Variants in ATM observed in about 807,000 individuals in gnomAD.
ATM encodes the protein ATM serine/threonine kinase.
In ATM, 308 loss-of-function variants were observed where a neutral mutation model predicts 387.0. The observed-to-expected ratio is 0.80, with a 90% confidence interval of 0.73 to 0.87. The LOEUF (loss-of-function observed/expected upper bound fraction) is 0.87. Ranked by LOEUF, ATM falls within the 40% of genes least tolerant of loss-of-function variation. ATM has a pLI of 0.00. For synonymous variants in ATM, 1,156 were observed against 1,187.3 expected, an observed-to-expected ratio of 0.97 and a Z score of 0.54; for missense variants, 3,312 against 3,560.9, an observed-to-expected ratio of 0.93 and a Z score of 1.78.
At chr11:108,267,993 C>T (rs1233790522) in intron 17 of ATM, among the ~76,000 whole-genome samples, 1 of 152,230 alleles carries the variant, frequency 6.6e-6, no homozygotes, top group Admixed American at 6.5e-5. Context: ...TAGTCAACAT[C>T]AACATTCACA....
chr11:108,312,905 C>T (rs988849611), intron 40 of ATM, among the ~76,000 whole-genome samples: 1 of 152,178 alleles, frequency 6.6e-6, no homozygotes, highest in Non-Finnish European at 1.5e-5. Flanking sequence ...TAAATTGGCT[C>T]ATGTTACTGT....
At chr11:108,326,263 T>C (rs2136343318) in intron 47 of ATM, 38 bp downstream of exon 47, 1 of 1,610,530 alleles carries the variant, frequency 6.2e-7, no homozygotes, top group African/African-American at 1.3e-5. Context: ...TGTTTTACTG[T>C]TATTTAAAAA....
intron 15 of ATM, 144 bp downstream of exon 15, chr11:108,257,750 A>G: frequency 1.2e-6 from 1 of 838,652 alleles, no homozygotes. Flanking sequence ...CTCCCAAGTA[A>G]TTGGGACTAC....
At chr11:108,245,078 A>C in intron 7 of ATM, 52 bp downstream of exon 7, 1 of 1,397,160 alleles carries the variant, frequency 7.2e-7, no homozygotes, top group Non-Finnish European at 1.0e-6. Context: ...TCAAACATAG[A>C]AGTCTAAGTA....
At chr11:108,335,172 T>G (rs751082404) in intron 55 of ATM, 63 bp downstream of exon 55, 117 of 1,610,170 alleles carry the variant, frequency 7.3e-5, no homozygotes, top group Middle Eastern at 3.3e-4. Context: ...TTAGTTCATA[T>G]TTTCTTTCTG....
chr11:108,250,342 T>A (rs4987941), intron 9 of ATM, among the ~76,000 whole-genome samples: 15 of 152,012 alleles, frequency 9.9e-5, no homozygotes, highest in African/African-American at 3.6e-4. Flanking sequence ...TAGTAGAGAC[T>A]GGGTTTCACC....
intron 45 of ATM, among the ~76,000 whole-genome samples, chr11:108,322,654 A>G (rs2085322028): frequency 6.6e-6 from 1 of 152,184 alleles, no homozygotes; most frequent in African/African-American, 2.4e-5. Flanking sequence ...TTTTATCAAG[A>G]TATAAGTTGA....
In ATM at chr11:108,335,060, TAA is replaced by T. The variant is rs1064793406; in HGVS notation, c.8103_8104del (p.Ile2702ArgfsTer15). 6.2e-7 allele frequency: 1 copy of T among 1,614,100 alleles called. No individual in the cohort carries two copies. The highest frequency in any genetic ancestry group is 8.5e-7 in the Non-Finnish European group (1 of 1,179,990). ...GCAGGAGGTGTAAATTTACCAAAAA[TAA>T]TAGATTGTGTAGGTTCCGATGGCAA... On this transcript the variant is annotated frameshift_variant, in exon 55 of 63. Coordinates refer to ENST00000675843, the MANE Select transcript of ATM (RefSeq NM_000051.4). LOFTEE classifies it high-confidence loss of function.
chr11:108,331,053 T>A, intron 50 of ATM: 1 of 504,150 alleles, frequency 2.0e-6, no homozygotes, highest in Non-Finnish European at 2.7e-6. Context: ...TCTGCTGTAG[T>A]ATACACTAAA....
At chr11:108,239,355 A>G (rs769132066) in intron 5 of ATM, among the ~76,000 whole-genome samples, 1 of 152,158 alleles carries the variant, frequency 6.6e-6, no homozygotes, top group Non-Finnish European at 1.5e-5. Flanking sequence ...CTAACCTATA[A>G]TACTTTGTTA....
chr11:108,312,385 A>G (rs2136057206), intron 39 of ATM, 26 bp from the exon 40 acceptor site: 1 of 1,506,162 alleles, frequency 6.6e-7, no homozygotes, highest in East Asian at 2.3e-5. Context: ...TGTTCTCATT[A>G]AAAGAGGTGT....
intron 61 of ATM, among the ~76,000 whole-genome samples, chr11:108,362,951 T>C (rs1406068231): frequency 3.3e-5 from 5 of 151,752 alleles, no homozygotes; most frequent in African/African-American, 1.2e-4. Context: ...AAAGTATAAT[T>C]TAAAAAAAAC....
At chr11:108,266,595 C>A (rs188171062) in intron 16 of ATM, among the ~76,000 whole-genome samples, 2 of 151,672 alleles carry the variant, frequency 1.3e-5, no homozygotes, top group Non-Finnish European at 2.9e-5. Flanking sequence ...TGTAACTAAC[C>A]TGCACAATGT....
chr11:108,297,118 A>G lies in ATM; in HGVS notation c.4910-169A>G. 2.2e-5 allele frequency: 13 copies of G among 599,118 alleles called. No individual in the cohort carries two copies. In the South Asian group the frequency reaches 2.5e-4, roughly 11 times the overall value. 37.1% of individuals were successfully genotyped at this position (599,118 alleles called of 1,614,324 possible). ...CACTTTCAAAAGAATCTGTTGTATTAAGGAAGTTCAGATTCATTCCCTACA... is the reference window on the plus strand; with the variant it reads ...CACTTTCAAAAGAATCTGTTGTATTGAGGAAGTTCAGATTCATTCCCTACA... On this transcript the variant is annotated intron_variant, in intron 32 of 62. Transcript: ENST00000675843.
chr11:108,315,443 A>T (rs2084539515), intron 40 of ATM, among the ~76,000 whole-genome samples: 1 of 152,238 alleles, frequency 6.6e-6, no homozygotes, highest in South Asian at 2.1e-4. Flanking sequence ...GAAATGTATC[A>T]TATCAAATGT....
At chr11:108,241,768 G>A (rs1258696836) in intron 5 of ATM, among the ~76,000 whole-genome samples, 2 of 38,206 alleles carry the variant, frequency 5.2e-5, no homozygotes, top group Non-Finnish European at 9.9e-5. Context: ...TTTTTTTTTT[G>A]AGATAGGGCC....
chr11:108,293,207 A>G (rs568498476), intron 30 of ATM, 106 bp from the exon 31 acceptor site: 3 of 750,226 alleles, frequency 4.0e-6, no homozygotes, highest in Non-Finnish European at 6.2e-6. Flanking sequence ...AGAACATTTA[A>G]TCTGATCTAG....
chr11:108,323,356 T>C (rs2085368384), intron 45 of ATM, among the ~76,000 whole-genome samples: 2 of 152,194 alleles, frequency 1.3e-5, no homozygotes, highest in Admixed American at 1.3e-4. Flanking sequence ...CAGAATTCTT[T>C]AAGAAACAGT....
chr11:108,250,241 C>A (rs1282216660), intron 9 of ATM, among the ~76,000 whole-genome samples: 1 of 151,950 alleles, frequency 6.6e-6, no homozygotes, highest in East Asian at 1.9e-4. Flanking sequence ...CAACCTCCAC[C>A]TCCCAGGTTC....
Sources: gnomAD v4.1 joint callset for allele counts (sites outside exome capture counted in the v4.1 genomes callset) on GRCh38, gnomAD v4.1.1 for gene constraint, MANE v1.5 for transcripts, NCBI Gene and HGNC (gene_info 2026-07-23, HGNC 2026-07-21) for gene names.